Variants in PTPRK observed in about 807,000 individuals in gnomAD.
PTPRK encodes protein tyrosine phosphatase receptor type K.
A neutral mutation model predicts 178.0 loss-of-function variants in PTPRK; 75 were observed. The observed-to-expected ratio is 0.42, with a 90% CI of 0.35 to 0.51. The LOEUF is 0.51. PTPRK is among the 20% of genes least tolerant of loss of function. The probability of loss-of-function intolerance (pLI) is 0.02; values close to 1 mark genes in which losing one functional copy is unlikely to be tolerated. For missense variants in PTPRK, 1,441 were observed against 1,797.8 expected (o/e 0.80, Z 3.59); for synonymous variants, 637 against 620.6 (o/e 1.03, Z -0.39).
intron 2 of PTPRK, chr6:128,340,846 A>C (rs1167840513): frequency 6.9e-6 from 3 of 433,350 alleles, no homozygotes; most frequent in African/African-American, 2.1e-5. Flanking sequence ...TGTCATCATA[A>C]TTTTTGTTAT....
At chr6:128,330,849 GAAAAAC>G (rs5879887) in intron 2 of PTPRK, among the ~76,000 whole-genome samples, 123,126 of 148,024 alleles carry the variant, frequency 0.83, 52,355 homozygotes, top group East Asian at 0.98. Context: ...CTTTTTTTCT[GAAAAAC>G]AAAAACAAAA....
intron 1 of PTPRK, among the ~76,000 whole-genome samples, chr6:128,482,758 G>A (rs979932987): frequency 2.6e-5 from 4 of 152,168 alleles, no homozygotes; most frequent in African/African-American, 9.7e-5. Context: ...TCTACTGTTT[G>A]CAATCAACAA....
At chr6:128,164,037 A>C (rs1799044290) in intron 7 of PTPRK, among the ~76,000 whole-genome samples, 1 of 151,364 alleles carries the variant, frequency 6.6e-6, no homozygotes, top group South Asian at 2.1e-4. Context: ...AGTCCTCTCC[A>C]TTATCTTCCT....
chr6:128,483,480 C>T (rs1442396275), intron 1 of PTPRK, among the ~76,000 whole-genome samples: 1 of 151,992 alleles, frequency 6.6e-6, no homozygotes, highest in Non-Finnish European at 1.5e-5. Context: ...ATCTTCTTCT[C>T]CCTCTGATAT....
chr6:128,336,666 T>G (rs1830975686), intron 2 of PTPRK, among the ~76,000 whole-genome samples: 1 of 152,176 alleles, frequency 6.6e-6, no homozygotes. Flanking sequence ...AGCAAGAATA[T>G]ATCTCAAACA....
At chr6:128,295,591 C>T (rs1329425847) in intron 3 of PTPRK, among the ~76,000 whole-genome samples, 1 of 151,936 alleles carries the variant, frequency 6.6e-6, no homozygotes, top group Non-Finnish European at 1.5e-5. Context: ...AGTAAAGTGC[C>T]GAATACAAAT....
rs778845176 is a variant in PTPRK, at chr6:128,009,237, T to A, written c.2226A>T (p.Pro742=). ...CTCTGTCTGTCTGCTTGGCGGGATC[T>A]GGGATCACTTCTGGTTCTTCTGTTG... ...AAATEEPEVI[P]DPAKQTDRVV... is the part of the protein sequence containing the mutation. Residue 742 remains proline (P), a synonymous_variant, in exon 14 of 30, where the codon CCA becomes CCT. Coordinates refer to ENST00000368226, the MANE Select transcript of PTPRK (RefSeq NM_002844.4). The A allele has an allele frequency of 2.5e-6, 4 of 1,608,800 alleles. No individual in the cohort carries two copies. Among genetic ancestry groups the A allele is most frequent in the Non-Finnish European group, 3.4e-6 (4 of 1,176,822 alleles).
At chr6:128,427,053 C>G (rs965482362) in intron 1 of PTPRK, among the ~76,000 whole-genome samples, 3 of 152,146 alleles carry the variant, frequency 2.0e-5, no homozygotes, top group South Asian at 2.1e-4. Flanking sequence ...AGTTCCCCAT[C>G]ATGTGTTCTA....
chr6:128,468,063 G>A (rs1387429541), intron 1 of PTPRK, among the ~76,000 whole-genome samples: 5 of 152,132 alleles, frequency 3.3e-5, no homozygotes, highest in African/African-American at 1.2e-4. Context: ...TGAGGTCAAG[G>A]ACCACATTTG....
At chr6:128,388,656 C>T (rs1418036422) in intron 2 of PTPRK, among the ~76,000 whole-genome samples, 1 of 152,174 alleles carries the variant, frequency 6.6e-6, no homozygotes, top group Non-Finnish European at 1.5e-5. Context: ...GATTCCTAGC[C>T]TTGCCTTTCC....
chr6:128,374,318 T>A (rs1836714366), intron 2 of PTPRK, among the ~76,000 whole-genome samples: 1 of 152,174 alleles, frequency 6.6e-6, no homozygotes, highest in African/African-American at 2.4e-5. Context: ...TCATCCAGTC[T>A]CATGGTTTCA....
intron 1 of PTPRK, among the ~76,000 whole-genome samples, chr6:128,441,139 C>A (rs879665329): frequency 3.9e-5 from 6 of 152,044 alleles, no homozygotes; most frequent in African/African-American, 1.4e-4. Context: ...ATTTGCATTT[C>A]TTTGTTATAA....
At chr6:128,434,962 TGCAG>T (rs373811894) in intron 1 of PTPRK, among the ~76,000 whole-genome samples, 2,646 of 150,012 alleles carry the variant, frequency 0.018, 27 homozygotes, top group Middle Eastern at 0.038. Context: ...AGGTCAAGGT[TGCAG>T]GCAGGCAGGC....
Position 128,069,725 on chromosome 6 carries a change from A to G in PTPRK, c.1884-1933T>C, listed in dbSNP as rs966241547. Among the ~76,000 whole-genome samples the G allele has an allele frequency of 6.0e-5, 9 of 151,108 alleles. No homozygotes were observed. The East Asian group carries it at 1.2e-3, about 20-fold the overall frequency. On this transcript the variant is annotated intron_variant, in intron 11 of 29. Coordinates refer to ENST00000368226, the MANE Select transcript of PTPRK (RefSeq NM_002844.4). ...TTCATTAATTATCCCATACCTCTAG[A>G]AAAAAAAACACAAAATCTAGTGAAC...
intron 1 of PTPRK, among the ~76,000 whole-genome samples, chr6:128,407,512 AC>A (rs952897635): frequency 2.0e-5 from 3 of 151,162 alleles, no homozygotes; most frequent in African/African-American, 7.3e-5. Flanking sequence ...AGTGGCATAC[AC>A]CTGTAGTCCC....
chr6:128,057,221 A>G (rs1780049461), intron 13 of PTPRK, among the ~76,000 whole-genome samples: 1 of 152,124 alleles, frequency 6.6e-6, no homozygotes, highest in Non-Finnish European at 1.5e-5. Flanking sequence ...AATTTCTTCA[A>G]ATATTCTTTT....
chr6:128,179,905 A>G (rs557184885), intron 7 of PTPRK, among the ~76,000 whole-genome samples: 1 of 152,186 alleles, frequency 6.6e-6, no homozygotes, highest in African/African-American at 2.4e-5. Flanking sequence ...CATTTTTAGT[A>G]AATGCTTACT....
intron 2 of PTPRK, among the ~76,000 whole-genome samples, chr6:128,387,137 T>C (rs1359187735): frequency 6.6e-6 from 1 of 152,112 alleles, no homozygotes; most frequent in Non-Finnish European, 1.5e-5. Context: ...ACAAGAATCA[T>C]CCTTGGATAA....
chr6:128,112,041 T>C (rs1410915306), intron 7 of PTPRK, among the ~76,000 whole-genome samples: 1 of 152,036 alleles, frequency 6.6e-6, no homozygotes, highest in Admixed American at 6.6e-5. Flanking sequence ...TCTAATGTTA[T>C]TACCACTCTT....
Sources: allele counts gnomAD v4.1 joint callset (sites outside exome capture counted in the v4.1 genomes callset), GRCh38; gene constraint gnomAD v4.1.1; transcripts MANE v1.5; gene names NCBI Gene and HGNC (gene_info 2026-07-23, HGNC 2026-07-21).